The following SPAG16 variants were observed in gnomAD, a reference collection of about 807,000 sequenced individuals.
The protein encoded by SPAG16 is sperm-associated antigen 16 protein.
Under a neutral mutation model 80.4 loss-of-function variants are expected in SPAG16, and 86 were observed. The observed-to-expected ratio is 1.07, with a 90% confidence interval of 0.90 to 1.28. The LOEUF (loss-of-function observed/expected upper bound fraction) is 1.28, where lower values mean the gene tolerates loss of function less well. SPAG16 is among the 50% of genes most tolerant of loss of function. The pLI is 0.00. For missense variants in SPAG16, 870 were observed against 765.3 expected (o/e 1.14, Z -1.61); for synonymous variants, 294 against 265.9 (o/e 1.11, Z -1.03).
intron 4 of SPAG16, among the ~76,000 whole-genome samples, chr2:213,314,815 C>T (rs1194101418): frequency 1.3e-5 from 2 of 151,846 alleles, no homozygotes; most frequent in Admixed American, 6.6e-5. Context: ...GTCTTCTCTT[C>T]TGAGATAAGT....
chr2:213,976,651 A>G lies in SPAG16; in HGVS notation c.1401-37300A>G, dbSNP rs190855532. ...AGCAGAAAAAGCTAGAAAAATTCCA[A>G]TGTGAGAAAAATTTGTGTGCCATTT... On this transcript the variant is annotated intron_variant, in intron 12 of 15. Coordinates refer to ENST00000331683, the MANE Select transcript of SPAG16 (RefSeq NM_024532.5). Among the ~76,000 whole-genome samples, 351 of 152,042 alleles carry G rather than the reference A, an allele frequency of 2.3e-3. 1 individual carries two copies. The highest frequency in any genetic ancestry group is 8.7e-3 in the South Asian group (42 of 4,818).
At chr2:214,267,002 C>A (rs572356182) in intron 15 of SPAG16, among the ~76,000 whole-genome samples, 1 of 151,632 alleles carries the variant, frequency 6.6e-6, no homozygotes, top group South Asian at 2.1e-4. Context: ...GTTAAAATGT[C>A]CATACTACCC....
intron 7 of SPAG16, among the ~76,000 whole-genome samples, chr2:213,357,770 T>C (rs1195613629): frequency 6.6e-6 from 1 of 152,224 alleles, no homozygotes; most frequent in Non-Finnish European, 1.5e-5. Flanking sequence ...AAGGTTAATA[T>C]TGTTATGTGT....
At chr2:213,403,550 C>T (rs1335913470) in intron 9 of SPAG16, among the ~76,000 whole-genome samples, 5 of 152,024 alleles carry the variant, frequency 3.3e-5, no homozygotes, top group East Asian at 3.9e-4. Context: ...ATTGATGGGT[C>T]GTATCTCAAA....
chr2:213,933,794 T>G (rs2106261229), intron 12 of SPAG16, among the ~76,000 whole-genome samples: 1 of 152,330 alleles, frequency 6.6e-6, no homozygotes, highest in South Asian at 2.1e-4. Context: ...ATAAAGAAGG[T>G]TTAAGAACTG....
intron 14 of SPAG16, among the ~76,000 whole-genome samples, chr2:214,123,539 G>A (rs562133583): frequency 7.1e-4 from 108 of 151,942 alleles, no homozygotes; most frequent in Non-Finnish European, 5.3e-4. Flanking sequence ...AATCTAAATA[G>A]TGAGAGTTCA....
intron 15 of SPAG16, among the ~76,000 whole-genome samples, chr2:214,175,997 C>T (rs1212842965): frequency 6.6e-6 from 1 of 151,344 alleles, no homozygotes; most frequent in Non-Finnish European, 1.5e-5. Flanking sequence ...CTTGGAATAT[C>T]CCATAATAAA....
intron 9 of SPAG16, among the ~76,000 whole-genome samples, chr2:213,479,046 C>A (rs2073591947): frequency 1.3e-5 from 2 of 149,714 alleles, no homozygotes; most frequent in African/African-American, 2.5e-5. Context: ...TCTAGTTCAC[C>A]TAAACATGTA....
At chr2:213,450,536 A>T (rs923970283) in intron 9 of SPAG16, among the ~76,000 whole-genome samples, 1 of 152,216 alleles carries the variant, frequency 6.6e-6, no homozygotes. Context: ...GTGATTTCAT[A>T]AAGTTTTTAT....
chr2:213,460,211 G>T (rs2072282104), intron 9 of SPAG16, among the ~76,000 whole-genome samples: 1 of 151,946 alleles, frequency 6.6e-6, no homozygotes, highest in Admixed American at 6.6e-5. Context: ...AAAGATACCT[G>T]CAGTACCAGG....
At chr2:213,695,656 A>T (rs780852705) in intron 10 of SPAG16, among the ~76,000 whole-genome samples, 1 of 152,224 alleles carries the variant, frequency 6.6e-6, no homozygotes, top group Admixed American at 6.5e-5. Flanking sequence ...AGGAAGAGAC[A>T]TTTGGTCAGA....
chr2:214,047,465 G>T (rs1188467605), intron 13 of SPAG16, among the ~76,000 whole-genome samples: 2 of 152,100 alleles, frequency 1.3e-5, no homozygotes, highest in South Asian at 2.1e-4. Context: ...TTCAATAAAT[G>T]TTGCTGGAAA....
intron 11 of SPAG16, among the ~76,000 whole-genome samples, chr2:213,921,100 A>G (rs1395205775): frequency 6.6e-6 from 1 of 152,064 alleles, no homozygotes; most frequent in Non-Finnish European, 1.5e-5. Flanking sequence ...CAGCTTTTGT[A>G]TCTTCCCTCC....
At chr2:213,680,723 C>T (rs972939564) in intron 10 of SPAG16, among the ~76,000 whole-genome samples, 1 of 152,116 alleles carries the variant, frequency 6.6e-6, no homozygotes, top group Non-Finnish European at 1.5e-5. Context: ...ATGACCATGG[C>T]CCATGACACA....
In SPAG16 at chr2:213,782,561, C is replaced by A. The variant is rs551214014; in HGVS notation, c.1071-79924C>A. On this transcript the variant is annotated intron_variant, in intron 10 of 15. Coordinates refer to ENST00000331683, the MANE Select transcript of SPAG16 (RefSeq NM_024532.5). ...ATAGCTGTTATTCAATAAAGATAAT[C>A]GAGGTAGGTGGAACTGAAGGTTGAA... Among the ~76,000 whole-genome samples the A allele has an allele frequency of 4.6e-5, 7 of 152,198 alleles. No homozygotes were observed. The South Asian group carries it at 1.4e-3, about 32-fold the overall frequency.
chr2:214,063,277 T>TC (rs982259727), intron 13 of SPAG16, among the ~76,000 whole-genome samples: 1 of 152,142 alleles, frequency 6.6e-6, no homozygotes, highest in Non-Finnish European at 1.5e-5. Flanking sequence ...TACTTTTGCT[T>TC]CACAACCTCT....
intron 5 of SPAG16, among the ~76,000 whole-genome samples, chr2:213,333,220 T>A (rs2124886950): frequency 6.6e-6 from 1 of 152,120 alleles, no homozygotes; most frequent in Non-Finnish European, 1.5e-5. Context: ...TAACAGTGAA[T>A]AATCTGAAAA....
At chr2:214,258,471 G>GTGTATATATA (rs1553539128) in intron 15 of SPAG16, among the ~76,000 whole-genome samples, 17 of 141,446 alleles carry the variant, frequency 1.2e-4, no homozygotes, top group Admixed American at 2.2e-4. Context: ...ATGTGTGTGT[G>GTGTATATATA]TATATATATA....
At chr2:214,038,248 C>CTTAT (rs1378702463) in intron 13 of SPAG16, among the ~76,000 whole-genome samples, 1 of 151,988 alleles carries the variant, frequency 6.6e-6, no homozygotes, top group Non-Finnish European at 1.5e-5. Context: ...TTTACATTTT[C>CTTAT]TTATTCTTTT....
Sources: gnomAD v4.1 joint callset for allele counts (sites outside exome capture counted in the v4.1 genomes callset) on GRCh38, gnomAD v4.1.1 for gene constraint, MANE v1.5 for transcripts, NCBI Gene and HGNC (gene_info 2026-07-23, HGNC 2026-07-21) for gene names.